The following CACNA2D3 variants were observed in gnomAD, a reference collection of about 807,000 sequenced individuals.
The protein encoded by CACNA2D3 is calcium voltage-gated channel auxiliary subunit alpha2delta 3.
Under a neutral mutation model 160.6 loss-of-function variants are expected in CACNA2D3, and 60 were observed. The ratio of observed to expected loss-of-function variants is 0.37; its 90% CI spans 0.30 to 0.46. The LOEUF (loss-of-function observed/expected upper bound fraction) is 0.46. Ranked by LOEUF, CACNA2D3 falls within the 20% of genes least tolerant of loss-of-function variation. CACNA2D3 has a pLI of 1.00. For synonymous variants in CACNA2D3, 558 were observed against 492.9 expected (o/e 1.13, Z -1.75); for missense variants, 1,205 against 1,365.0 (o/e 0.88, Z 1.85).
At chr3:54,412,431 A>G (rs1330127751) in intron 4 of CACNA2D3, among the ~76,000 whole-genome samples, 1 of 151,922 alleles carries the variant, frequency 6.6e-6, no homozygotes, top group Non-Finnish European at 1.5e-5. Context: ...GGTGTTACAC[A>G]TTTAGGATTG....
chr3:54,570,799 C>T (rs538867694), intron 8 of CACNA2D3, among the ~76,000 whole-genome samples: 3 of 152,114 alleles, frequency 2.0e-5, no homozygotes, highest in East Asian at 3.9e-4. Context: ...AGCCTGAGAC[C>T]GGGCAGTCAT....
At chr3:54,676,074 C>G (rs1205611079) in intron 11 of CACNA2D3, among the ~76,000 whole-genome samples, 2 of 152,210 alleles carry the variant, frequency 1.3e-5, no homozygotes, top group African/African-American at 4.8e-5. Context: ...CCACCCCTTA[C>G]TTCCCTGAGC....
At chr3:54,752,985 C>G (rs1255035104) in intron 12 of CACNA2D3, among the ~76,000 whole-genome samples, 1 of 151,850 alleles carries the variant, frequency 6.6e-6, no homozygotes, top group Non-Finnish European at 1.5e-5. Flanking sequence ...CTCAGCCTCC[C>G]GAGTAGCTGA....
intron 14 of CACNA2D3, among the ~76,000 whole-genome samples, chr3:54,817,188 G>T (rs1703476598): frequency 6.6e-6 from 1 of 152,188 alleles, no homozygotes; most frequent in Non-Finnish European, 1.5e-5. Flanking sequence ...AGCATTCCAG[G>T]CCTTCTCTGA....
chr3:55,023,823 C>T (rs1703509012), intron 35 of CACNA2D3, among the ~76,000 whole-genome samples: 1 of 151,466 alleles, frequency 6.6e-6, no homozygotes, highest in Non-Finnish European at 1.5e-5. Flanking sequence ...GTAGTTTAGG[C>T]TTGAAGTTTG....
intron 11 of CACNA2D3, among the ~76,000 whole-genome samples, chr3:54,699,359 T>C (rs1700723229): frequency 1.3e-5 from 2 of 152,136 alleles, no homozygotes; most frequent in African/African-American, 4.8e-5. Flanking sequence ...TCTGCTGAGC[T>C]CCTTCTTTAA....
intron 13 of CACNA2D3, among the ~76,000 whole-genome samples, chr3:54,796,007 A>G (rs975715945): frequency 6.6e-6 from 1 of 152,210 alleles, no homozygotes. Flanking sequence ...AGAATCAGCA[A>G]TCCCAGCATA....
At chr3:54,378,321 A>C (rs1699043717) in intron 3 of CACNA2D3, among the ~76,000 whole-genome samples, 1 of 152,190 alleles carries the variant, frequency 6.6e-6, no homozygotes. Context: ...TTGCATGCGC[A>C]GTTCACAATA....
intron 3 of CACNA2D3, among the ~76,000 whole-genome samples, chr3:54,330,100 A>G (rs959880459): frequency 6.6e-6 from 1 of 152,144 alleles, no homozygotes; most frequent in African/African-American, 2.4e-5. Flanking sequence ...CTGGGATATC[A>G]TTTATTGCAC....
At chr3:55,057,950 A>G (rs2107216381) in intron 35 of CACNA2D3, among the ~76,000 whole-genome samples, 1 of 152,298 alleles carries the variant, frequency 6.6e-6, no homozygotes, top group Non-Finnish European at 1.5e-5. Flanking sequence ...AACCTTTTAT[A>G]AAGTAATTCT....
chr3:54,350,013 A>G (rs909229595), intron 3 of CACNA2D3, among the ~76,000 whole-genome samples: 2 of 152,130 alleles, frequency 1.3e-5, no homozygotes, highest in African/African-American at 2.4e-5. Flanking sequence ...GCCTCTTTTG[A>G]CATTTTATGT....
intron 3 of CACNA2D3, among the ~76,000 whole-genome samples, chr3:54,331,314 A>G (rs1180398691): frequency 2.0e-5 from 3 of 152,252 alleles, no homozygotes; most frequent in South Asian, 2.1e-4. Flanking sequence ...GAATGTCTCT[A>G]TTGGTTGATT....
rs575144086 is a variant in CACNA2D3 at position 54,581,626 on chromosome 3, T to A, written c.889-177T>A. On this transcript the variant is annotated intron_variant, in intron 8 of 37. Coordinates refer to ENST00000474759, the MANE Select transcript of CACNA2D3 (RefSeq NM_018398.3). ...AAACAAGAAAAGAATGAAGTCTGTC[T>A]GCAGCACATAATCATAGTTGTCTAG... Among the ~76,000 whole-genome samples, 7 of 152,368 alleles carry A rather than the reference T, an allele frequency of 4.6e-5. No homozygotes were observed. In the South Asian group the frequency reaches 1.4e-3, roughly 32 times the overall value.
chr3:54,518,598 C>G (rs1701593676), intron 5 of CACNA2D3, among the ~76,000 whole-genome samples: 2 of 152,204 alleles, frequency 1.3e-5, no homozygotes, highest in Admixed American at 1.3e-4. Context: ...TTCTTGATAA[C>G]CTGATTCCAG....
intron 12 of CACNA2D3, among the ~76,000 whole-genome samples, chr3:54,758,853 G>A (rs567252363): frequency 2.0e-5 from 3 of 152,254 alleles, no homozygotes; most frequent in South Asian, 2.1e-4. Flanking sequence ...AGCTACACCC[G>A]TCACTCCAAA....
At chr3:54,361,218 G>C (rs750247788) in intron 3 of CACNA2D3, among the ~76,000 whole-genome samples, 2 of 151,364 alleles carry the variant, frequency 1.3e-5, no homozygotes, top group Non-Finnish European at 2.9e-5. Context: ...CCAGATAGGT[G>C]GTCATAAATG....
chr3:54,305,151 A>G (rs1703569884), intron 2 of CACNA2D3, among the ~76,000 whole-genome samples: 1 of 152,222 alleles, frequency 6.6e-6, no homozygotes, highest in Non-Finnish European at 1.5e-5. Flanking sequence ...TCCTCTTTGC[A>G]CATTATGAGA....
intron 14 of CACNA2D3, among the ~76,000 whole-genome samples, chr3:54,835,501 A>G (rs1698658184): frequency 6.6e-6 from 1 of 152,186 alleles, no homozygotes. Context: ...AAGGCAAAAG[A>G]AAGACTAAGT....
intron 27 of CACNA2D3, among the ~76,000 whole-genome samples, chr3:54,903,010 T>C (rs1700373299): frequency 6.6e-6 from 1 of 152,238 alleles, no homozygotes; most frequent in Admixed American, 6.5e-5. Flanking sequence ...TCTTAATCCA[T>C]TTTGTTTTGT....
Sources: gnomAD v4.1 joint callset for allele counts (sites outside exome capture counted in the v4.1 genomes callset) on GRCh38, gnomAD v4.1.1 for gene constraint, MANE v1.5 for transcripts, NCBI Gene and HGNC (gene_info 2026-07-23, HGNC 2026-07-21) for gene names.